The following GPR132 variants were observed in gnomAD, a reference collection of about 807,000 sequenced individuals.
GPR132 encodes G protein-coupled receptor 132, also known as probable G protein-coupled receptor 132.
GPR132 carries 4 observed loss-of-function variants against 1.9 expected under a neutral mutation model. That is an observed-to-expected ratio of 2.13 (90% CI 1.05 to 4.87). The LOEUF (loss-of-function observed/expected upper bound fraction) is 4.87, where lower values mean the gene tolerates loss of function less well. Ranked by LOEUF, GPR132 falls within the 30% of genes most tolerant of loss-of-function variation. GPR132 has a pLI of 0.01. For missense variants in GPR132, 404 were observed against 512.5 expected, an observed-to-expected ratio of 0.79 and a Z score of 2.04; for synonymous variants, 233 against 234.2, an observed-to-expected ratio of 0.99 and a Z score of 0.05.
chr14:105,051,403 A>G lies in GPR132; in HGVS notation c.734T>C (p.Ile245Thr). Residue 245 changes from isoleucine (I) to threonine (T), a missense_variant, in exon 4 of 4, where the codon ATC becomes ACC. Transcript: ENST00000329797. The surrounding 1 kb of genome is among the most constrained non-coding windows in gnomAD (Gnocchi z 8.0). ...AQKAKVKHSA[I>T]AVVVIFLVCF... The stretch of plus-strand genomic sequence containing the variant: ...GACTAGGAAGATGACAACCACCGCG[A>G]TGGCCGAGTGCTTCACCTTGGCCTT... The G allele has an allele frequency of 6.2e-7, 1 of 1,614,120 alleles. No homozygotes were observed. Among genetic ancestry groups the G allele is most frequent in the South Asian group, 1.1e-5 (1 of 91,090 alleles).
chr14:105,052,156 A>C, intron 3 of GPR132, 54 bp from the exon 4 acceptor site: 1 of 1,417,314 alleles, frequency 7.1e-7, no homozygotes, highest in African/African-American at 1.4e-5. Flanking sequence ...CACCTGGGAG[A>C]GACTCTACTG....
intron 1 of GPR132, among the ~76,000 whole-genome samples, chr14:105,061,711 T>C (rs1388455120): frequency 2.0e-5 from 3 of 152,028 alleles, no homozygotes; most frequent in South Asian, 2.1e-4. Context: ...CTTCCTGTGT[T>C]GTTCCACTCA....
intron 3 of GPR132, chr14:105,054,431 T>C: frequency 1.0e-6 from 1 of 980,402 alleles, no homozygotes; most frequent in Non-Finnish European, 1.2e-6. Context: ...TTTTTTCTTT[T>C]TTTTTTTTTT....
In GPR132 at chr14:105,056,715, T is replaced by G. The variant is rs1365120186; in HGVS notation, c.-747+452A>C. Among the ~76,000 whole-genome samples, 1 of 152,218 alleles carries G rather than the reference T, an allele frequency of 6.6e-6. No individual in the cohort carries two copies. Among genetic ancestry groups the G allele is most frequent in the Non-Finnish European group, 1.5e-5 (1 of 68,044 alleles). On this transcript the variant is annotated intron_variant, in intron 2 of 3. Coordinates refer to ENST00000329797, the MANE Select transcript of GPR132 (RefSeq NM_013345.4). This position sits in a 1 kb window ranked among gnomAD's most constrained non-coding sequence, Gnocchi z 6.0. Reference sequence around the variant, plus strand: ...CGTGGTGTCTGTGGCTCTGTGCCCATCTGGTGAGGAGGCTGTCCCCCGCTC... The same window carrying G: ...CGTGGTGTCTGTGGCTCTGTGCCCAGCTGGTGAGGAGGCTGTCCCCCGCTC...
In GPR132 at chr14:105,051,973, A is replaced by G. The variant is rs908792158; in HGVS notation, c.164T>C (p.Leu55Pro). 1 of 1,613,424 alleles carries G rather than the reference A, an allele frequency of 6.2e-7. No individual in the cohort carries two copies. Among genetic ancestry groups the G allele is most frequent in the Non-Finnish European group, 8.5e-7 (1 of 1,179,974 alleles). Residue 55 changes from leucine (L) to proline (P), a missense_variant, in exon 4 of 4, where the codon CTG (leucine) becomes CCG (proline). Coordinates refer to ENST00000329797, the MANE Select transcript of GPR132 (RefSeq NM_013345.4). This position sits in a 1 kb window ranked among gnomAD's most constrained non-coding sequence, Gnocchi z 8.0. The stretch of plus-strand genomic sequence containing the variant: ...AGTCAGGCAGTTGGCCGGCACCCCC[A>G]GCGTGCACACCGCGCTGTACACCAC... The part of the protein sequence containing the change: ...LVVVYSAVCT[L>P]GVPANCLTAW...
rs1225154726 is a variant in GPR132, at chr14:105,060,297, A to AAGCAGTG, written c.-860-3024_-860-3018dup. Among the ~76,000 whole-genome samples, 1 of 152,142 alleles carries AAGCAGTG rather than the reference A, an allele frequency of 6.6e-6. No individual in the cohort carries two copies. Among genetic ancestry groups the AAGCAGTG allele is most frequent in the Admixed American group, 6.5e-5 (1 of 15,282 alleles). ...AAAACAGAGGGGTCAGTAGGTGAGG[A>AAGCAGTG]AGCAGTGAGCCGGAACCAGGAGGGC... On this transcript the variant is annotated intron_variant, in intron 1 of 3. Transcript: ENST00000329797. This position sits in a 1 kb window ranked among gnomAD's most constrained non-coding sequence, Gnocchi z 6.3.
intron 3 of GPR132, chr14:105,054,518 C>T (rs1886736586): frequency 1.8e-6 from 1 of 562,428 alleles, no homozygotes; most frequent in Admixed American, 6.4e-5. Flanking sequence ...GCAACCTCTG[C>T]CTCCCAAGTT....
intron 3 of GPR132, chr14:105,054,413 C>T (rs932232066): frequency 2.7e-5 from 26 of 978,648 alleles, no homozygotes; most frequent in African/African-American, 1.6e-4. Context: ...CCCATTGTGT[C>T]GCTCTTTTTT....
rs1394488967 is a variant in GPR132 at position 105,059,302 on chromosome 14, G to A, written c.-860-2022C>T. On this transcript the variant is annotated intron_variant, in intron 1 of 3. Coordinates refer to ENST00000329797, the MANE Select transcript of GPR132 (RefSeq NM_013345.4). This position sits in a 1 kb window ranked among gnomAD's most constrained non-coding sequence, Gnocchi z 4.2. ...GGAATTCTCTGGAAGCTGCTCAAAA[G>A]TGAGGCAGAACCCAGGGACACCCAC... Among the ~76,000 whole-genome samples, 1 of 152,230 alleles carries A rather than the reference G, an allele frequency of 6.6e-6. No individual in the cohort carries two copies. The highest frequency in any genetic ancestry group is 1.5e-5 in the Non-Finnish European group (1 of 68,026).
At chr14:105,054,399 C>A (rs548924301) in intron 3 of GPR132, 14 of 983,262 alleles carry the variant, frequency 1.4e-5, no homozygotes, top group Non-Finnish European at 1.7e-5. Flanking sequence ...GTCAGCCCTG[C>A]GGCCCCATTG....
At chr14:105,052,440 G>A (rs12896844) in intron 3 of GPR132, among the ~76,000 whole-genome samples, 35 of 152,068 alleles carry the variant, frequency 2.3e-4, no homozygotes, top group Non-Finnish European at 4.4e-4. Flanking sequence ...CAATTCTCCT[G>A]CCTCAGCCTC....
intron 1 of GPR132, among the ~76,000 whole-genome samples, chr14:105,062,535 CTTTTCTTTTT>C (rs1886971794): frequency 7.0e-6 from 1 of 143,442 alleles, no homozygotes; most frequent in South Asian, 2.2e-4. Context: ...CTTTTCTTTT[CTTTTCTTTTT>C]TTTTTTTTTT....
Position 105,051,601 on chromosome 14 carries a change from TG to T in GPR132, c.535del (p.Gln179ArgfsTer54). ...AAAGCAGGTCTCCTTGTCTTCCGTC[TG>T]GAACACCGGGTAGTGAACGATCCCG... is the stretch of plus-strand genomic sequence containing the variant. ...LVGIVHYPVF[Q>X]TEDKETCFDM... On this transcript the variant is annotated frameshift_variant, in exon 4 of 4. Coordinates refer to ENST00000329797, the MANE Select transcript of GPR132 (RefSeq NM_013345.4). LOFTEE classifies it low-confidence loss of function (END_TRUNC). The surrounding 1 kb of genome is among the most constrained non-coding windows in gnomAD (Gnocchi z 8.0). The T allele has an allele frequency of 6.2e-7, 1 of 1,614,020 alleles. No homozygotes were observed. Among genetic ancestry groups the T allele is most frequent in the East Asian group, 2.2e-5 (1 of 44,886 alleles).
chr14:105,054,765 C>T (rs1197407399), intron 3 of GPR132, among the ~76,000 whole-genome samples: 1 of 149,212 alleles, frequency 6.7e-6, no homozygotes, highest in Non-Finnish European at 1.5e-5. Context: ...TTCAGCTGGG[C>T]GCAGTGGCTC....
At chr14:105,057,504 T>A in intron 1 of GPR132, 2 of 200,944 alleles carry the variant, frequency 1.0e-5, no homozygotes, top group Non-Finnish European at 9.9e-6. Context: ...TGCGACTACA[T>A]ACGATTCTTT....
chr14:105,064,808 C>T (rs954991979), intron 1 of GPR132, among the ~76,000 whole-genome samples: 1 of 152,186 alleles, frequency 6.6e-6, no homozygotes, highest in East Asian at 1.9e-4. Context: ...CCCCCCGCCC[C>T]GCTGTGCCTG....
intron 1 of GPR132, among the ~76,000 whole-genome samples, chr14:105,061,127 C>A (rs1886930585): frequency 6.6e-6 from 1 of 152,266 alleles, no homozygotes; most frequent in Non-Finnish European, 1.5e-5. Context: ...CCGGTGGGAA[C>A]AACCCAAGGC....
At position 105,051,456 on chromosome 14, in the gene GPR132, C is replaced by T; in HGVS notation, c.681G>A (p.Lys227=). ...GGGCAGCGCTTAAGCCCATGCTCTG[C>T]TTGATGCTCCTGAAAATCCGGTGGT... is the stretch of plus-strand genomic sequence containing the variant. The part of the protein sequence containing the change: ...FTNHRIFRSI[K]QSMGLSAAQK... Residue 227 remains lysine, a synonymous_variant, in exon 4 of 4, where the codon AAG becomes AAA. Transcript: ENST00000329797. This position sits in a 1 kb window ranked among gnomAD's most constrained non-coding sequence, Gnocchi z 8.0. 6.2e-7 allele frequency: 1 copy of T among 1,614,066 alleles called. No individual in the cohort carries two copies. Among genetic ancestry groups the T allele is most frequent in the Non-Finnish European group, 8.5e-7 (1 of 1,180,036 alleles).
At chr14:105,062,954 T>A (rs1162208978) in intron 1 of GPR132, among the ~76,000 whole-genome samples, 1 of 152,114 alleles carries the variant, frequency 6.6e-6, no homozygotes, top group Non-Finnish European at 1.5e-5. Context: ...GGAGACAGGG[T>A]CTTGCTCCCT....
Sources: allele counts gnomAD v4.1 joint callset (sites outside exome capture counted in the v4.1 genomes callset), GRCh38; gene constraint gnomAD v4.1.1; non-coding constraint Gnocchi (gnomAD v3.1); transcripts MANE v1.5; gene names NCBI Gene and HGNC (gene_info 2026-07-23, HGNC 2026-07-21).